The following TIMM50 variants were observed in gnomAD, a reference collection of about 807,000 sequenced individuals.
The protein encoded by TIMM50 is mitochondrial import inner membrane translocase subunit TIM50.
Under a neutral mutation model 49.6 loss-of-function variants are expected in TIMM50, and 34 were observed. The ratio of observed to expected loss-of-function variants is 0.69; its 90% CI spans 0.52 to 0.91. The LOEUF is 0.91. TIMM50 is among the 40% of genes least tolerant of loss of function. TIMM50 has a pLI of 0.00. For synonymous variants in TIMM50, 199 were observed against 198.4 expected (o/e 1.00, Z -0.03); for missense variants, 458 against 477.8 (o/e 0.96, Z 0.39).
At chr19:39,484,363 C>T (rs1295494490) in intron 4 of TIMM50, among the ~76,000 whole-genome samples, 4 of 151,930 alleles carry the variant, frequency 2.6e-5, no homozygotes, top group Non-Finnish European at 5.9e-5. Flanking sequence ...GTGATCCCGC[C>T]ACTGCACTCT....
intron 4 of TIMM50, 194 bp downstream of exon 4, chr19:39,483,350 A>T: frequency 1.5e-6 from 1 of 655,858 alleles, no homozygotes; most frequent in Non-Finnish European, 2.6e-6. Flanking sequence ...CTCAGCCCCG[A>T]GCAGATGGTC....
chr19:39,489,390 T>C (rs1321047041), intron 10 of TIMM50, among the ~76,000 whole-genome samples: 1 of 152,030 alleles, frequency 6.6e-6, no homozygotes, highest in Non-Finnish European at 1.5e-5. Context: ...GGGAAGGAGA[T>C]TATGACAGTC....
chr19:39,487,504 C>T (rs759167149), intron 8 of TIMM50, among the ~76,000 whole-genome samples: 2 of 151,924 alleles, frequency 1.3e-5, no homozygotes, highest in African/African-American at 2.4e-5. Context: ...GTTGCCTAGG[C>T]TGGAGTGCAG....
intron 2 of TIMM50, 61 bp downstream of exon 2, chr19:39,482,094 C>T: frequency 3.2e-6 from 5 of 1,577,664 alleles, no homozygotes; most frequent in Non-Finnish European, 8.7e-7. Context: ...CACTGTGGAA[C>T]CTCCCACTCT....
intron 4 of TIMM50, 32 bp from the exon 5 acceptor site, chr19:39,485,512 G>C (rs745956846): frequency 1.2e-6 from 2 of 1,614,040 alleles, no homozygotes; most frequent in Non-Finnish European, 1.7e-6. Flanking sequence ...GCGGCTTATT[G>C]TGGAATCTCT....
intron 6 of TIMM50, 137 bp downstream of exon 6, chr19:39,485,944 G>A: frequency 7.4e-7 from 1 of 1,353,932 alleles, no homozygotes; most frequent in Non-Finnish European, 1.0e-6. Flanking sequence ...TTCTTCAGCT[G>A]GGAGAAGGCA....
In TIMM50 at chr19:39,491,527, A is replaced by G. The variant is rs914221389; in HGVS notation, c.*1707A>G. The stretch of plus-strand genomic sequence containing the variant: ...GTGTGACTGAGAAACTGAATTTTTA[A>G]TTTTGTTTGAGACTGGGCACAGTGG... On this transcript the variant is annotated 3_prime_UTR_variant, in exon 11 of 11. Transcript: ENST00000607714. 6.6e-6 allele frequency: 1 copy of G among 150,598 alleles called. No homozygotes were observed. Among genetic ancestry groups the G allele is most frequent in the Admixed American group, 6.6e-5 (1 of 15,142 alleles). 9.3% of individuals were successfully genotyped at this position (150,598 alleles called of 1,614,324 possible).
At chr19:39,481,391 C>T (rs1316655243) in intron 1 of TIMM50, 2 of 254,642 alleles carry the variant, frequency 7.9e-6, no homozygotes, top group African/African-American at 4.6e-5. Context: ...CCAAGTCTAT[C>T]ACTTCTGTGC....
At chr19:39,488,876 G>T (rs1296359395) in intron 10 of TIMM50, among the ~76,000 whole-genome samples, 1 of 152,190 alleles carries the variant, frequency 6.6e-6, no homozygotes, top group Non-Finnish European at 1.5e-5. Context: ...AAACAGGAGA[G>T]GATTTGAGAT....
At chr19:39,481,023 C>T in intron 1 of TIMM50, 62 bp downstream of exon 1, 1 of 1,489,432 alleles carries the variant, frequency 6.7e-7, no homozygotes, top group Non-Finnish European at 8.9e-7. Flanking sequence ...ACGGACATAT[C>T]GCCGCCCCTT....
At chr19:39,485,308 A>G (rs921148220) in intron 4 of TIMM50, 3 of 578,342 alleles carry the variant, frequency 5.2e-6, no homozygotes, top group Admixed American at 3.0e-5. Flanking sequence ...ATTCTGTTTC[A>G]TACCTGGGGT....
At position 39,481,949 on chromosome 19, in the gene TIMM50, G is replaced by T; in HGVS notation, c.175G>T (p.Gly59Cys). Residue 59 changes from glycine to cysteine, a missense_variant, in exon 2 of 11, where the codon GGT becomes TGT. Coordinates refer to ENST00000607714, the MANE Select transcript of TIMM50 (RefSeq NM_001001563.5). ...GCCACAGCAGCAGCCGGGCTCAGAG[G>T]GTCCCAGCTATGCCAAAAAAGTTGC... ...QGPQQQPGSE[G>C]PSYAKKVALW... The T allele has an allele frequency of 1.2e-6, 2 of 1,614,190 alleles. No homozygotes were observed. The highest frequency in any genetic ancestry group is 1.7e-6 in the Non-Finnish European group (2 of 1,180,046).
intron 4 of TIMM50, 167 bp downstream of exon 4, chr19:39,483,323 G>A: frequency 1.2e-6 from 1 of 830,614 alleles, no homozygotes; most frequent in East Asian, 2.6e-5. Flanking sequence ...CAAAGCCCAA[G>A]CCCACTTCCC....
At chr19:39,488,673 G>T in intron 10 of TIMM50, 28 bp downstream of exon 10, 4 of 1,583,748 alleles carry the variant, frequency 2.5e-6, no homozygotes, top group Admixed American at 1.7e-5. Context: ...CAGAGTGGAG[G>T]ATCGGCTCTG....
At chr19:39,487,275 G>GT (rs1474593198) in intron 8 of TIMM50, among the ~76,000 whole-genome samples, 1 of 152,028 alleles carries the variant, frequency 6.6e-6, no homozygotes, top group African/African-American at 2.4e-5. Flanking sequence ...GGGTTGTTTT[G>GT]TTTTTTGTTT....
chr19:39,485,344 A>C, intron 4 of TIMM50, 200 bp from the exon 5 acceptor site: 6 of 627,258 alleles, frequency 9.6e-6, no homozygotes, highest in Non-Finnish European at 1.4e-5. Flanking sequence ...GTATCAGCTT[A>C]AAATAGGGCA....
rs772487623 is a variant in TIMM50 at position 39,489,824 on chromosome 19, CTG to C, written c.*5_*6del. The C allele has an allele frequency of 6.3e-6, 10 of 1,599,624 alleles. No homozygotes were observed. The East Asian group carries it at 1.8e-4, about 29-fold the overall frequency. On this transcript the variant is annotated 3_prime_UTR_variant, in exon 11 of 11. Coordinates refer to ENST00000607714, the MANE Select transcript of TIMM50 (RefSeq NM_001001563.5). ...GCCTCGCTCCAAACAGCCCTGAACT[CTG>C]GGCCTCCTCAAACTCAGTGCCTGGG...
intron 4 of TIMM50, 178 bp from the exon 5 acceptor site, chr19:39,485,366 C>T (rs1281965260): frequency 3.0e-6 from 2 of 661,844 alleles, no homozygotes; most frequent in African/African-American, 1.8e-5. Flanking sequence ...GTAAATAAAT[C>T]TGTGTTCCTA....
intron 6 of TIMM50, 61 bp downstream of exon 6, chr19:39,485,868 T>G (rs1235549945): frequency 6.2e-7 from 1 of 1,602,450 alleles, no homozygotes; most frequent in Non-Finnish European, 8.5e-7. Context: ...TGTGATGAGG[T>G]GGACTTTCAG....
Sources: allele counts gnomAD v4.1 joint callset (sites outside exome capture counted in the v4.1 genomes callset), GRCh38; gene constraint gnomAD v4.1.1; transcripts MANE v1.5; gene names NCBI Gene and HGNC (gene_info 2026-07-23, HGNC 2026-07-21).